PTPN14: variants seen among roughly 807,000 people sequenced by gnomAD.
PTPN14 encodes the protein protein tyrosine phosphatase non-receptor type 14.
In PTPN14, 53 loss-of-function variants were observed where a neutral mutation model predicts 126.8. That is an observed-to-expected ratio of 0.42 (90% CI 0.34 to 0.53). The LOEUF (loss-of-function observed/expected upper bound fraction) is 0.53. Among genes scored for constraint, PTPN14 ranks in the 20% least tolerant of loss-of-function variants. The probability of loss-of-function intolerance (pLI) is 0.08; values close to 1 mark genes in which losing one functional copy is unlikely to be tolerated. For synonymous variants in PTPN14, 630 were observed against 599.3 expected, an observed-to-expected ratio of 1.05 and a Z score of -0.75; for missense variants, 1,257 against 1,552.9, an observed-to-expected ratio of 0.81 and a Z score of 3.20.
Position 214,402,906 on chromosome 1 carries a change from T to C in PTPN14, c.558A>G (p.Val186=). 6.2e-7 allele frequency: 1 copy of C among 1,614,064 alleles called. No individual in the cohort carries two copies. The highest frequency in any genetic ancestry group is 8.5e-7 in the Non-Finnish European group (1 of 1,179,982). ...ACCTGTGGGCTTTGTGTTCTTGGGCTACCTTCTGGGTCAGCTCCTCCAGAA... is the reference window on the plus strand; with the variant it reads ...ACCTGTGGGCTTTGTGTTCTTGGGCCACCTTCTGGGTCAGCTCCTCCAGAA... ...EAVLEELTQK[V]AQEHKAHSGI... Residue 186 remains valine (V), a synonymous_variant, in exon 6 of 19, where the codon GTA becomes GTG. Transcript: ENST00000366956.
chr1:214,430,456 AT>A (rs959260911), intron 3 of PTPN14, among the ~76,000 whole-genome samples: 1 of 152,212 alleles, frequency 6.6e-6, no homozygotes, highest in African/African-American at 2.4e-5. Flanking sequence ...CTGTGAAGGT[AT>A]TTTTTGATGA....
intron 3 of PTPN14, among the ~76,000 whole-genome samples, chr1:214,428,825 C>T (rs2102604201): frequency 6.6e-6 from 1 of 152,332 alleles, no homozygotes; most frequent in East Asian, 1.9e-4. Context: ...AACCACTACA[C>T]TTTAAAAACA....
chr1:214,415,145 C>A (rs1449716510), intron 3 of PTPN14, among the ~76,000 whole-genome samples: 1 of 152,190 alleles, frequency 6.6e-6, no homozygotes, highest in African/African-American at 2.4e-5. Context: ...CTCAAAAGTT[C>A]GGTAAGGCAG....
Position 214,391,363 on chromosome 1 carries a change from A to T in PTPN14, c.930-318T>A, listed in dbSNP as rs1000711778. Among the ~76,000 whole-genome samples the T allele has an allele frequency of 2.6e-5, 4 of 152,166 alleles. No individual in the cohort carries two copies. In the East Asian group the frequency reaches 7.7e-4, roughly 29 times the overall value. On this transcript the variant is annotated intron_variant, in intron 10 of 18. Transcript: ENST00000366956. ...ATATCACCATTATTACATGGATTTT[A>T]AAAAATTGTACTCTTTCTACTGTTG...
intron 3 of PTPN14, among the ~76,000 whole-genome samples, chr1:214,418,111 T>C (rs1427994574): frequency 6.6e-6 from 1 of 152,128 alleles, no homozygotes; most frequent in Non-Finnish European, 1.5e-5. Flanking sequence ...AGGAAGTGAT[T>C]GTTGCTCCCA....
intron 1 of PTPN14, among the ~76,000 whole-genome samples, chr1:214,474,600 G>T (rs1476625323): frequency 6.6e-6 from 1 of 152,168 alleles, no homozygotes; most frequent in Non-Finnish European, 1.5e-5. Context: ...TGTTTAAGAA[G>T]GAAGAAAATA....
chr1:214,479,189 A>G (rs1227202165), intron 1 of PTPN14, among the ~76,000 whole-genome samples: 3 of 152,130 alleles, frequency 2.0e-5, no homozygotes, highest in Non-Finnish European at 4.4e-5. Context: ...TCTACAAAAA[A>G]TTTAAAAATT....
chr1:214,510,962 C>G (rs1047322304), intron 1 of PTPN14, among the ~76,000 whole-genome samples: 4 of 152,112 alleles, frequency 2.6e-5, no homozygotes, highest in Admixed American at 6.5e-5. Context: ...ACTGCAGCCT[C>G]GAACTGCTGG....
In PTPN14 at chr1:214,501,929, G is replaced by A. The variant is rs1036123015; in HGVS notation, c.-154-36972C>T. 1.3e-4 allele frequency among the ~76,000 whole-genome samples: 20 copies of A among 151,976 alleles called. 1 individual carries two copies. Among genetic ancestry groups the A allele is most frequent in the Admixed American group, 1.0e-3 (16 of 15,258 alleles). ...AAAAAATTAGCCAGGCATGGTGGTGGGCGCCTGTAGTCCCAGCTACTGGGG... is the reference window on the plus strand; with the variant it reads ...AAAAAATTAGCCAGGCATGGTGGTGAGCGCCTGTAGTCCCAGCTACTGGGG... On this transcript the variant is annotated intron_variant, in intron 1 of 18. Coordinates refer to ENST00000366956, the MANE Select transcript of PTPN14 (RefSeq NM_005401.5).
At chr1:214,471,772 T>C (rs567407344) in intron 1 of PTPN14, among the ~76,000 whole-genome samples, 15 of 152,292 alleles carry the variant, frequency 9.8e-5, no homozygotes, top group Non-Finnish European at 1.9e-4. Flanking sequence ...CTCAGACACC[T>C]GAAGCATAAA....
chr1:214,520,065 A>AAAAAAAAAAATAT, intron 1 of PTPN14, among the ~76,000 whole-genome samples: 2 of 71,142 alleles, frequency 2.8e-5, no homozygotes, highest in African/African-American at 7.3e-5. Flanking sequence ...AAAAAAAAAA[A>AAAAAAAAAAATAT]ATATATATAT....
In PTPN14 at chr1:214,357,671, A is replaced by G; in HGVS notation, c.*251T>C. 3.2e-6 allele frequency: 1 copy of G among 307,904 alleles called. No individual in the cohort carries two copies. Among genetic ancestry groups the G allele is most frequent in the Non-Finnish European group, 6.1e-6 (1 of 165,050 alleles). The allele number at this position is 307,904 out of a possible 1,614,324, so 19.1% of individuals were successfully genotyped here. A position where few individuals can be genotyped will look rare whatever the true frequency, so the allele number is the denominator to read the frequency against. ...ACAGATCAGTCAAGATGTGGTTCAAATGAAAAGTACTATATTACTAGGGAA... is the reference window on the plus strand; with the variant it reads ...ACAGATCAGTCAAGATGTGGTTCAAGTGAAAAGTACTATATTACTAGGGAA... On this transcript the variant is annotated 3_prime_UTR_variant, in exon 19 of 19. Transcript: ENST00000366956.
chr1:214,393,869 T>C, intron 9 of PTPN14, 92 bp from the exon 10 acceptor site: 1 of 1,008,720 alleles, frequency 9.9e-7, no homozygotes, highest in Non-Finnish European at 1.5e-6. Flanking sequence ...CACACATCCC[T>C]TCCAACCTTC....
At chr1:214,372,368 T>G (rs1486013336) in intron 16 of PTPN14, 11 of 305,848 alleles carry the variant, frequency 3.6e-5, no homozygotes, top group Admixed American at 1.5e-4. Context: ...AGTGGAAAGA[T>G]CACTGTTTTC....
intron 1 of PTPN14, among the ~76,000 whole-genome samples, chr1:214,487,603 C>T (rs1342136888): frequency 1.3e-5 from 2 of 149,264 alleles, no homozygotes; most frequent in Non-Finnish European, 3.0e-5. Flanking sequence ...CACTGCACTC[C>T]AGCCTGGGAG....
At chr1:214,447,008 A>T (rs535673343) in intron 3 of PTPN14, among the ~76,000 whole-genome samples, 12 of 152,278 alleles carry the variant, frequency 7.9e-5, no homozygotes, top group African/African-American at 2.6e-4. Flanking sequence ...CAAATATCTT[A>T]CTCTGCAGGG....
At chr1:214,385,448 A>T (rs921663804) in intron 12 of PTPN14, among the ~76,000 whole-genome samples, 4 of 151,700 alleles carry the variant, frequency 2.6e-5, no homozygotes, top group Non-Finnish European at 2.9e-5. Context: ...ATTATAGTTT[A>T]AAGAGGTACC....
intron 16 of PTPN14, among the ~76,000 whole-genome samples, chr1:214,371,230 T>C (rs61821365): frequency 0.045 from 6,829 of 152,188 alleles, 209 homozygotes; most frequent in South Asian, 0.17. Flanking sequence ...TAGACCCCAG[T>C]CACTCTCTTT....
At chr1:214,524,059 A>G (rs1422556840) in intron 1 of PTPN14, among the ~76,000 whole-genome samples, 1 of 151,850 alleles carries the variant, frequency 6.6e-6, no homozygotes, top group Admixed American at 6.5e-5. Context: ...CATGTTGGCC[A>G]GGCTGGTCTC....
Sources: allele counts gnomAD v4.1 joint callset (sites outside exome capture counted in the v4.1 genomes callset), GRCh38; gene constraint gnomAD v4.1.1; transcripts MANE v1.5; gene names NCBI Gene and HGNC (gene_info 2026-07-23, HGNC 2026-07-21).